Variants in MEGF11 observed in about 807,000 individuals in gnomAD.
The protein encoded by MEGF11 is multiple epidermal growth factor-like domains protein 11.
MEGF11 carries 126 observed loss-of-function variants against 146.6 expected under a neutral mutation model. The observed-to-expected ratio is 0.86, with a 90% CI of 0.74 to 1.00. The LOEUF (loss-of-function observed/expected upper bound fraction) is 1.00. Ranked by LOEUF, MEGF11 falls within the 50% of genes least tolerant of loss-of-function variation. MEGF11 has a pLI of 0.00. For missense variants in MEGF11, 1,509 were observed against 1,521.2 expected, an observed-to-expected ratio of 0.99 and a Z score of 0.13; for synonymous variants, 532 against 583.4, an observed-to-expected ratio of 0.91 and a Z score of 1.27.
At chr15:66,187,242 AAC>A (rs1312792451) in intron 1 of MEGF11, among the ~76,000 whole-genome samples, 1 of 152,236 alleles carries the variant, frequency 6.6e-6, no homozygotes, top group African/African-American at 2.4e-5. Context: ...GGAATCTAGG[AAC>A]ACGCCTGGCC....
At chr15:65,954,644 C>G (rs1037549957) in intron 10 of MEGF11, among the ~76,000 whole-genome samples, 2 of 152,200 alleles carry the variant, frequency 1.3e-5, no homozygotes, top group Non-Finnish European at 2.9e-5. Context: ...AGGGGGCATT[C>G]CACAGTGAGA....
chr15:65,995,148 G>A (rs1306771152), intron 5 of MEGF11, among the ~76,000 whole-genome samples: 2 of 152,208 alleles, frequency 1.3e-5, no homozygotes, highest in Non-Finnish European at 2.9e-5. Context: ...CAGTCTGAGT[G>A]GAGGGGCCGG....
chr15:66,185,115 G>A (rs2090660288), intron 1 of MEGF11, among the ~76,000 whole-genome samples: 2 of 152,120 alleles, frequency 1.3e-5, no homozygotes, highest in African/African-American at 2.4e-5. Context: ...CTCGTTTCTT[G>A]AAAGAATGCT....
intron 1 of MEGF11, among the ~76,000 whole-genome samples, chr15:66,170,056 T>C (rs115544812): frequency 0.016 from 2,369 of 152,260 alleles, 52 homozygotes; most frequent in African/African-American, 0.052. Context: ...CTTGTCATTT[T>C]AAATTAAGTG....
intron 5 of MEGF11, among the ~76,000 whole-genome samples, chr15:66,018,627 G>A (rs964586762): frequency 1.3e-5 from 2 of 152,250 alleles, no homozygotes; most frequent in East Asian, 1.9e-4. Context: ...GAGCGCATGT[G>A]TGAGTGTGTG....
At chr15:66,118,985 C>T (rs2087871338) in intron 4 of MEGF11, 101 bp downstream of exon 4, 1 of 782,120 alleles carries the variant, frequency 1.3e-6, no homozygotes, top group South Asian at 1.6e-5. Context: ...AGGACTGCTG[C>T]CTAGGGGCCG....
chr15:66,101,035 GC>G, intron 4 of MEGF11, among the ~76,000 whole-genome samples: 1 of 93,526 alleles, frequency 1.1e-5, no homozygotes, highest in Non-Finnish European at 2.4e-5. Context: ...GAGCGGGTGA[GC>G]AGGCGGGTGA....
At chr15:66,171,611 T>A (rs899648777) in intron 1 of MEGF11, among the ~76,000 whole-genome samples, 1 of 152,036 alleles carries the variant, frequency 6.6e-6, no homozygotes, top group Non-Finnish European at 1.5e-5. Context: ...TGTCTCTTTT[T>A]CTGACCTTGT....
At chr15:65,938,793 C>A (rs1378290357) in intron 10 of MEGF11, among the ~76,000 whole-genome samples, 1 of 152,250 alleles carries the variant, frequency 6.6e-6, no homozygotes, top group Non-Finnish European at 1.5e-5. Flanking sequence ...TACCTTCCAC[C>A]TGCCTCCATG....
intron 1 of MEGF11, among the ~76,000 whole-genome samples, chr15:66,211,260 A>G (rs559029374): frequency 1.1e-4 from 17 of 152,322 alleles, no homozygotes; most frequent in Non-Finnish European, 1.3e-4. Context: ...TTGGTGGCTC[A>G]CGCCTGTAAT....
intron 1 of MEGF11, among the ~76,000 whole-genome samples, chr15:66,209,688 A>T (rs2091394691): frequency 6.6e-6 from 1 of 152,240 alleles, no homozygotes; most frequent in African/African-American, 2.4e-5. Flanking sequence ...GACTCCATTT[A>T]TATAACATTC....
chr15:66,091,998 A>C (rs1156306573), intron 5 of MEGF11, among the ~76,000 whole-genome samples: 2 of 152,216 alleles, frequency 1.3e-5, no homozygotes, highest in African/African-American at 4.8e-5. Context: ...TGAGATGATC[A>C]TTTCTATACA....
At chr15:66,245,775 TA>T (rs1420334462) in intron 1 of MEGF11, among the ~76,000 whole-genome samples, 1 of 152,128 alleles carries the variant, frequency 6.6e-6, no homozygotes, top group Non-Finnish European at 1.5e-5. Context: ...GTAGAATTTA[TA>T]AAAACTATCC....
intron 8 of MEGF11, among the ~76,000 whole-genome samples, chr15:65,968,854 C>T (rs1037631101): frequency 5.3e-5 from 8 of 152,184 alleles, no homozygotes; most frequent in South Asian, 4.1e-4. Flanking sequence ...TCTGCCTATC[C>T]GGGGAGGCCT....
intron 10 of MEGF11, among the ~76,000 whole-genome samples, chr15:65,939,455 A>G (rs2079902460): frequency 6.6e-6 from 1 of 150,952 alleles, no homozygotes; most frequent in Admixed American, 6.6e-5. Flanking sequence ...CCATTACACT[A>G]GACTAGATGA....
chr15:65,984,369 A>G (rs2081769774), intron 5 of MEGF11, among the ~76,000 whole-genome samples: 1 of 151,784 alleles, frequency 6.6e-6, no homozygotes, highest in Non-Finnish European at 1.5e-5. Flanking sequence ...CTACTAAAAT[A>G]CAAAAAATTA....
intron 5 of MEGF11, among the ~76,000 whole-genome samples, chr15:66,076,104 G>T (rs2085564981): frequency 6.6e-6 from 1 of 152,204 alleles, no homozygotes; most frequent in South Asian, 2.1e-4. Flanking sequence ...CAGATGGATG[G>T]AAGAATAAAG....
intron 3 of MEGF11, among the ~76,000 whole-genome samples, chr15:66,121,318 G>A (rs1216023462): frequency 6.6e-6 from 1 of 152,172 alleles, no homozygotes; most frequent in Admixed American, 6.5e-5. Flanking sequence ...GCCAACTCTG[G>A]CAAAATTGGT....
chr15:66,240,477 G>A (rs148171862), intron 1 of MEGF11, among the ~76,000 whole-genome samples: 2 of 152,320 alleles, frequency 1.3e-5, no homozygotes, highest in African/African-American at 4.8e-5. Flanking sequence ...CAATTTATAC[G>A]AAGCGATAAA....
Sources: gnomAD v4.1 joint callset for allele counts (sites outside exome capture counted in the v4.1 genomes callset) on GRCh38, gnomAD v4.1.1 for gene constraint, MANE v1.5 for transcripts, NCBI Gene and HGNC (gene_info 2026-07-23, HGNC 2026-07-21) for gene names.